CPA6: variants seen among roughly 807,000 people sequenced by gnomAD.
The protein encoded by CPA6 is carboxypeptidase B.
In CPA6, 58 loss-of-function variants were observed where a neutral mutation model predicts 63.3. The ratio of observed to expected loss-of-function variants is 0.92; its 90% CI spans 0.74 to 1.14. The LOEUF (loss-of-function observed/expected upper bound fraction) is 1.14. CPA6 is among the 50% of genes most tolerant of loss of function. The pLI, the probability that CPA6 is intolerant of heterozygous loss-of-function variation, is 0.00. For synonymous variants in CPA6, 185 were observed against 179.0 expected, an observed-to-expected ratio of 1.03 and a Z score of -0.27; for missense variants, 565 against 526.6, an observed-to-expected ratio of 1.07 and a Z score of -0.71.
rs550760823 is a variant in CPA6, at chr8:67,658,169, T to C, written c.117-33918A>G. Among the ~76,000 whole-genome samples, 4 of 151,668 alleles carry C rather than the reference T, an allele frequency of 2.6e-5. No individual in the cohort carries two copies. The South Asian group carries it at 8.3e-4, about 31-fold the overall frequency. On this transcript the variant is annotated intron_variant, in intron 1 of 10. Transcript: ENST00000297770. The stretch of plus-strand genomic sequence containing the variant: ...ATCTTATAACACCCACCTAACAGAA[T>C]TTTTTTAAAGGCTTCTTGATCTTTC...
intron 8 of CPA6, among the ~76,000 whole-genome samples, chr8:67,436,323 T>C (rs938255487): frequency 2.0e-5 from 3 of 151,858 alleles, no homozygotes; most frequent in African/African-American, 7.3e-5. Context: ...GCTCCGGCCT[T>C]GTCAGTCTCT....
chr8:67,593,650 T>C (rs1330548956), intron 2 of CPA6, among the ~76,000 whole-genome samples: 1 of 152,158 alleles, frequency 6.6e-6, no homozygotes, highest in Non-Finnish European at 1.5e-5. Flanking sequence ...TGGCCTTCTT[T>C]GTCTCTTTTG....
In CPA6 at chr8:67,648,501, G is replaced by A. The variant is rs75129688; in HGVS notation, c.117-24250C>T. ...GCAAATGGAGCATAAGTCACGTCTG[G>A]AACCCTCATTGCAAAGCAGCTTGGG... is the stretch of plus-strand genomic sequence containing the variant. On this transcript the variant is annotated intron_variant, in intron 1 of 10. Coordinates refer to ENST00000297770, the MANE Select transcript of CPA6 (RefSeq NM_020361.5). 5.0e-3 allele frequency among the ~76,000 whole-genome samples: 762 copies of A among 152,210 alleles called. 7 individuals carry two copies. Among genetic ancestry groups the A allele is most frequent in the African/African-American group, 0.017 (715 of 41,532 alleles).
Position 67,594,680 on chromosome 8 carries a change from G to A in CPA6, c.192+29496C>T, listed in dbSNP as rs1338984377. Among the ~76,000 whole-genome samples the A allele has an allele frequency of 2.0e-5, 3 of 152,138 alleles. No individual in the cohort carries two copies. In the East Asian group the frequency reaches 5.8e-4, roughly 29 times the overall value. ...CTTCCAGTTGATCGCATTGGCTCCT[G>A]AGGCTTCTGCATTCTTCATGTAGTT... On this transcript the variant is annotated intron_variant, in intron 2 of 10. Coordinates refer to ENST00000297770, the MANE Select transcript of CPA6 (RefSeq NM_020361.5).
chr8:67,607,154 CTCTTCTTCTTCTTCCTCTTCTTCTTCT>C (rs1814667530), intron 2 of CPA6, among the ~76,000 whole-genome samples: 1 of 95,128 alleles, frequency 1.1e-5, no homozygotes, highest in African/African-American at 4.7e-5. Context: ...CCCCCCCCTC[CTCTTCTTCTTCTTCCTCTTCTTCTTCT>C]TCTTCTTCTT....
intron 2 of CPA6, among the ~76,000 whole-genome samples, chr8:67,543,553 A>T (rs185560119): frequency 4.2e-4 from 64 of 152,282 alleles, no homozygotes; most frequent in African/African-American, 1.3e-3. Context: ...TTTCCTTGGG[A>T]GAGCTTGTGG....
At chr8:67,626,572 A>G (rs1466685093) in intron 1 of CPA6, among the ~76,000 whole-genome samples, 1 of 152,236 alleles carries the variant, frequency 6.6e-6, no homozygotes, top group Non-Finnish European at 1.5e-5. Context: ...TTGTCAAGTC[A>G]CTGTAAAACA....
At chr8:67,460,807 T>C (rs1430857888) in intron 8 of CPA6, among the ~76,000 whole-genome samples, 1 of 152,228 alleles carries the variant, frequency 6.6e-6, no homozygotes, top group Non-Finnish European at 1.5e-5. Flanking sequence ...TGAAATGTTT[T>C]GAATCAGTGT....
intron 1 of CPA6, among the ~76,000 whole-genome samples, chr8:67,666,889 C>T (rs911015824): frequency 1.3e-5 from 2 of 152,052 alleles, no homozygotes; most frequent in Non-Finnish European, 2.9e-5. Flanking sequence ...GGGCCTTAGG[C>T]CTGAGAAATA....
chr8:67,721,543 C>T (rs113958038), intron 1 of CPA6, among the ~76,000 whole-genome samples: 3 of 152,290 alleles, frequency 2.0e-5, no homozygotes, highest in African/African-American at 7.2e-5. Flanking sequence ...AAAGTATATG[C>T]ATTGTAGCTG....
chr8:67,521,713 G>C (rs879879719), intron 2 of CPA6, among the ~76,000 whole-genome samples: 1 of 152,200 alleles, frequency 6.6e-6, no homozygotes, highest in Non-Finnish European at 1.5e-5. Flanking sequence ...ATGGCTTTAA[G>C]GGTATGGGGG....
intron 2 of CPA6, among the ~76,000 whole-genome samples, chr8:67,603,654 GGGTTGT>G (rs1814552544): frequency 6.6e-6 from 1 of 152,112 alleles, no homozygotes; most frequent in Admixed American, 6.5e-5. Context: ...CAATCACCTG[GGGTTGT>G]GGTAGTCCAT....
At chr8:67,511,933 A>G (rs1227435297) in intron 3 of CPA6, among the ~76,000 whole-genome samples, 1 of 152,226 alleles carries the variant, frequency 6.6e-6, no homozygotes, top group Non-Finnish European at 1.5e-5. Context: ...CAACCGAATG[A>G]TGACTACGAG....
intron 1 of CPA6, among the ~76,000 whole-genome samples, chr8:67,654,421 G>A (rs1036322952): frequency 6.6e-6 from 1 of 152,090 alleles, no homozygotes; most frequent in South Asian, 2.1e-4. Flanking sequence ...CAATTTCAGA[G>A]CCTGTTATTG....
At chr8:67,448,911 T>A (rs1810494881) in intron 8 of CPA6, among the ~76,000 whole-genome samples, 1 of 152,124 alleles carries the variant, frequency 6.6e-6, no homozygotes, top group African/African-American at 2.4e-5. Flanking sequence ...TTATTAAATA[T>A]CCTGTAATTT....
chr8:67,429,716 C>G, intron 9 of CPA6: 1 of 152,080 alleles, frequency 6.6e-6, no homozygotes, highest in Non-Finnish European at 1.5e-5. Flanking sequence ...TATTCCATGG[C>G]AAGGGCAGAT....
At chr8:67,503,863 C>T (rs1331331225) in intron 6 of CPA6, among the ~76,000 whole-genome samples, 3 of 152,010 alleles carry the variant, frequency 2.0e-5, no homozygotes, top group East Asian at 1.9e-4. Context: ...TTTTAAGCTG[C>T]GCATGCATTA....
rs182318821 is a variant in CPA6, at chr8:67,726,285, G to A, written c.116+19729C>T. Among the ~76,000 whole-genome samples, 12 of 152,264 alleles carry A rather than the reference G, an allele frequency of 7.9e-5. No homozygotes were observed. The East Asian group carries it at 1.4e-3, about 17-fold the overall frequency. ...TGATGGAAAGTCAGAAAAGATTAGG[G>A]AAGAGGAATTTTATCAAGCAGTGGA... is the stretch of plus-strand genomic sequence containing the variant. On this transcript the variant is annotated intron_variant, in intron 1 of 10. Transcript: ENST00000297770.
At chr8:67,580,898 C>A (rs113610316) in intron 2 of CPA6, among the ~76,000 whole-genome samples, 1 of 152,054 alleles carries the variant, frequency 6.6e-6, no homozygotes, top group African/African-American at 2.4e-5. Flanking sequence ...AATGTGTTGG[C>A]GGTCTTAGTT....
Sources: gnomAD v4.1 joint callset for allele counts (sites outside exome capture counted in the v4.1 genomes callset) on GRCh38, gnomAD v4.1.1 for gene constraint, MANE v1.5 for transcripts, NCBI Gene and HGNC (gene_info 2026-07-23, HGNC 2026-07-21) for gene names.